The following ME1 variants were observed in gnomAD, a reference collection of about 807,000 sequenced individuals.
ME1 encodes malic enzyme 1.
In ME1, 74 loss-of-function variants were observed where a neutral mutation model predicts 66.4. The ratio of observed to expected loss-of-function variants is 1.11; its 90% CI spans 0.92 to 1.35. The LOEUF (loss-of-function observed/expected upper bound fraction) is 1.35. ME1 is among the 40% of genes most tolerant of loss of function. ME1 has a pLI of 0.00. For missense variants in ME1, 750 were observed against 694.1 expected, an observed-to-expected ratio of 1.08 and a Z score of -0.90; for synonymous variants, 251 against 235.6, an observed-to-expected ratio of 1.07 and a Z score of -0.60.
At chr6:83,406,894 T>C (rs1471243419) in intron 2 of ME1, among the ~76,000 whole-genome samples, 1 of 151,910 alleles carries the variant, frequency 6.6e-6, no homozygotes, top group Non-Finnish European at 1.5e-5. Context: ...ACAACCTACC[T>C]GAAGATTTTG....
intron 4 of ME1, among the ~76,000 whole-genome samples, chr6:83,351,760 C>T (rs1440508753): frequency 6.6e-6 from 1 of 152,052 alleles, no homozygotes; most frequent in Admixed American, 6.6e-5. Context: ...TTAAACACAA[C>T]AGATAGAATT....
intron 5 of ME1, among the ~76,000 whole-genome samples, chr6:83,327,830 T>A (rs1187155540): frequency 2.0e-5 from 3 of 152,144 alleles, no homozygotes; most frequent in Non-Finnish European, 4.4e-5. Flanking sequence ...TTTTGGGGCA[T>A]CACGGATCCT....
intron 5 of ME1, among the ~76,000 whole-genome samples, chr6:83,330,858 C>T (rs985516543): frequency 2.0e-5 from 3 of 152,058 alleles, no homozygotes; most frequent in Non-Finnish European, 4.4e-5. Context: ...AATGAGACCA[C>T]AAAGAGCAAG....
intron 3 of ME1, among the ~76,000 whole-genome samples, chr6:83,376,505 A>AG (rs1191793354): frequency 1.3e-5 from 2 of 151,670 alleles, no homozygotes; most frequent in African/African-American, 4.8e-5. Flanking sequence ...AAAAAAAAAA[A>AG]AAAGAAAAAA....
chr6:83,394,145 A>G (rs1262279685), intron 3 of ME1, among the ~76,000 whole-genome samples: 4 of 152,132 alleles, frequency 2.6e-5, no homozygotes, highest in African/African-American at 9.6e-5. Flanking sequence ...ATTAACAGTA[A>G]ATTCTAACTC....
chr6:83,397,781 A>G (rs571307413), intron 3 of ME1, among the ~76,000 whole-genome samples: 5 of 152,354 alleles, frequency 3.3e-5, no homozygotes, highest in African/African-American at 1.2e-4. Flanking sequence ...CATACACACT[A>G]GGATACCACT....
chr6:83,425,072 G>A (rs994990715), intron 1 of ME1, among the ~76,000 whole-genome samples: 12 of 152,122 alleles, frequency 7.9e-5, no homozygotes, highest in African/African-American at 2.9e-4. Flanking sequence ...GAGTGCAGTG[G>A]GTGTGATCAT....
chr6:83,314,629 A>G (rs1318624776), intron 6 of ME1, among the ~76,000 whole-genome samples: 1 of 152,218 alleles, frequency 6.6e-6, no homozygotes, highest in South Asian at 2.1e-4. Flanking sequence ...TATATGAAAC[A>G]TAAATAAATT....
chr6:83,407,955 C>T, intron 1 of ME1, 54 bp from the exon 2 acceptor site: 1 of 1,504,950 alleles, frequency 6.6e-7, no homozygotes, highest in Non-Finnish European at 8.8e-7. Flanking sequence ...GGAAAATAGA[C>T]AAAAAGCATA....
At chr6:83,241,558 G>A (rs1790510242) in intron 7 of ME1, among the ~76,000 whole-genome samples, 1 of 152,010 alleles carries the variant, frequency 6.6e-6, no homozygotes, top group African/African-American at 2.4e-5. Flanking sequence ...AATATTTCCT[G>A]AGAACACAAT....
chr6:83,242,167 G>A (rs996959216), intron 7 of ME1, among the ~76,000 whole-genome samples: 6 of 152,082 alleles, frequency 3.9e-5, no homozygotes, highest in Admixed American at 6.6e-5. Flanking sequence ...AGCCCCGCCT[G>A]TACTATCAGT....
chr6:83,392,646 C>G, intron 3 of ME1: 1 of 588,524 alleles, frequency 1.7e-6, no homozygotes, highest in Admixed American at 1.9e-5. Flanking sequence ...TCACTATTTT[C>G]CAGGGGCAAG....
intron 3 of ME1, among the ~76,000 whole-genome samples, chr6:83,386,786 T>C (rs1410083171): frequency 6.6e-6 from 1 of 150,468 alleles, no homozygotes; most frequent in Admixed American, 6.6e-5. Context: ...TTAGGCCATA[T>C]GATTAGTGCC....
intron 1 of ME1, among the ~76,000 whole-genome samples, chr6:83,420,304 G>A (rs1406613618): frequency 6.6e-6 from 1 of 152,150 alleles, no homozygotes; most frequent in East Asian, 1.9e-4. Flanking sequence ...CTGACCTGAA[G>A]TGATCCGCCT....
chr6:83,279,000 C>A (rs1181623223), intron 6 of ME1, among the ~76,000 whole-genome samples: 1 of 151,964 alleles, frequency 6.6e-6, no homozygotes, highest in African/African-American at 2.4e-5. Flanking sequence ...ACAACCCCTT[C>A]CCCCCCAACC....
At chr6:83,333,475 A>G (rs1768456039) in intron 5 of ME1, among the ~76,000 whole-genome samples, 1 of 152,208 alleles carries the variant, frequency 6.6e-6, no homozygotes, top group Admixed American at 6.5e-5. Context: ...CAGAATGAAT[A>G]AAATAAGAAC....
chr6:83,333,809 T>C (rs967290984), intron 5 of ME1, among the ~76,000 whole-genome samples: 3 of 152,204 alleles, frequency 2.0e-5, no homozygotes, highest in African/African-American at 7.2e-5. Context: ...GAAAACATAT[T>C]TTGCTTAATA....
intron 7 of ME1, among the ~76,000 whole-genome samples, chr6:83,245,222 T>A (rs1239346542): frequency 5.9e-5 from 9 of 151,920 alleles, no homozygotes. Flanking sequence ...CATTGACTGA[T>A]GGAGGGAAGA....
rs1789998804 is a variant in ME1, at chr6:83,216,569, G to A, written c.1477C>T (p.His493Tyr). 4 of 1,609,770 alleles carry A rather than the reference G, an allele frequency of 2.5e-6. No homozygotes were observed. The highest frequency in any genetic ancestry group is 3.4e-6 in the Non-Finnish European group (4 of 1,178,974). Reference protein sequence around the residue: ...EVIAQQVSDKHLEEGRLYPPL... With the variant: ...EVIAQQVSDKYLEEGRLYPPL... Reference sequence around the variant, plus strand: ...GGATAAAGCCGACCCTCTTCCAAGTGTTTATCTGACACTTGCTGAGCTATA... The same window carrying A: ...GGATAAAGCCGACCCTCTTCCAAGTATTTATCTGACACTTGCTGAGCTATA... Residue 493 changes from histidine (H) to tyrosine (Y), a missense_variant, in exon 13 of 14, where the codon CAC becomes TAC. Coordinates refer to ENST00000369705, the MANE Select transcript of ME1 (RefSeq NM_002395.6).
Sources: gnomAD v4.1 joint callset for allele counts (sites outside exome capture counted in the v4.1 genomes callset) on GRCh38, gnomAD v4.1.1 for gene constraint, MANE v1.5 for transcripts, NCBI Gene and HGNC (gene_info 2026-07-23, HGNC 2026-07-21) for gene names.